The following DYNC1I1 variants were observed in gnomAD, a reference collection of about 807,000 sequenced individuals.
The protein encoded by DYNC1I1 is dynein cytoplasmic 1 intermediate chain 1.
In DYNC1I1, 43 loss-of-function variants were observed where a neutral mutation model predicts 86.6. The observed-to-expected ratio is 0.50, with a 90% CI of 0.39 to 0.64. The LOEUF (loss-of-function observed/expected upper bound fraction) is 0.64, where lower values mean the gene tolerates loss of function less well. DYNC1I1 is among the 30% of genes least tolerant of loss of function. The pLI, the probability that DYNC1I1 is intolerant of heterozygous loss-of-function variation, is 0.00. For missense variants in DYNC1I1, 604 were observed against 788.8 expected (o/e 0.77, Z 2.81); for synonymous variants, 262 against 283.7 (o/e 0.92, Z 0.77).
chr7:96,080,448 G>T lies in DYNC1I1; in HGVS notation c.1736G>T (p.Gly579Val). ...CAAGCTGGCAAAGAAGTTGCTGTTGGGGACTCGGAAGGCCGTATTTGGGTC... is the reference window on the plus strand; with the variant it reads ...CAAGCTGGCAAAGAAGTTGCTGTTGTGGACTCGGAAGGCCGTATTTGGGTC... ...WAQAGKEVAV[G>V]DSEGRIWVYD... Residue 579 changes from glycine to valine, a missense_variant, in exon 16 of 17, where the codon GGG becomes GTG. Transcript: ENST00000447467. The T allele has an allele frequency of 6.2e-7, 1 of 1,614,210 alleles. No individual in the cohort carries two copies. The highest frequency in any genetic ancestry group is 8.5e-7 in the Non-Finnish European group (1 of 1,180,032).
chr7:96,076,479 G>C (rs1283441489), intron 15 of DYNC1I1, among the ~76,000 whole-genome samples: 1 of 152,138 alleles, frequency 6.6e-6, no homozygotes, highest in Non-Finnish European at 1.5e-5. Context: ...CTTTCCCTAT[G>C]GGACAGGACA....
intron 10 of DYNC1I1, among the ~76,000 whole-genome samples, chr7:95,998,183 G>A (rs955102934): frequency 6.6e-6 from 1 of 152,196 alleles, no homozygotes; most frequent in Non-Finnish European, 1.5e-5. Flanking sequence ...TTCCAGTTGA[G>A]AGATTTTATA....
intron 6 of DYNC1I1, among the ~76,000 whole-genome samples, chr7:95,944,444 A>G (rs1792334773): frequency 6.6e-6 from 1 of 152,228 alleles, no homozygotes; most frequent in Admixed American, 6.5e-5. Flanking sequence ...AACTAGTTCA[A>G]CCATTGTGGA....
chr7:95,883,970 A>G lies in DYNC1I1; in HGVS notation c.490+13972A>G, dbSNP rs565890544. 2.6e-5 allele frequency among the ~76,000 whole-genome samples: 4 copies of G among 152,324 alleles called. No homozygotes were observed. The South Asian group carries it at 8.3e-4, about 32-fold the overall frequency. ...TTTTTTGCATTTTTGAATATTTTAA[A>G]AGAATAAATTGTTCAATAAAACTTT... On this transcript the variant is annotated intron_variant, in intron 6 of 16. Transcript: ENST00000447467.
chr7:96,053,516 G>A (rs1789468990), intron 14 of DYNC1I1, among the ~76,000 whole-genome samples: 1 of 152,004 alleles, frequency 6.6e-6, no homozygotes, highest in Non-Finnish European at 1.5e-5. Flanking sequence ...CCTGTCACTA[G>A]CACTTCTAAT....
chr7:95,890,820 C>T (rs1584132358), intron 6 of DYNC1I1, among the ~76,000 whole-genome samples: 1 of 152,176 alleles, frequency 6.6e-6, no homozygotes, highest in Admixed American at 6.5e-5. Flanking sequence ...GGTCTGGGCA[C>T]CAGTTTGAAA....
intron 7 of DYNC1I1, among the ~76,000 whole-genome samples, chr7:95,983,257 A>G (rs1432892276): frequency 6.6e-6 from 1 of 152,162 alleles, no homozygotes; most frequent in Non-Finnish European, 1.5e-5. Flanking sequence ...GTCTCAGTAC[A>G]CACTGGAATA....
chr7:95,907,284 G>A (rs573010989), intron 6 of DYNC1I1, among the ~76,000 whole-genome samples: 1 of 152,292 alleles, frequency 6.6e-6, no homozygotes, highest in East Asian at 1.9e-4. Context: ...GAGTGTAAGT[G>A]AGCACCTGAA....
intron 15 of DYNC1I1, among the ~76,000 whole-genome samples, chr7:96,078,355 A>G (rs2116257130): frequency 6.6e-6 from 1 of 152,320 alleles, no homozygotes; most frequent in South Asian, 2.1e-4. Context: ...AGAGACAGAG[A>G]GAACATATGA....
At chr7:95,849,972 T>A (rs567696281) in intron 5 of DYNC1I1, among the ~76,000 whole-genome samples, 1 of 152,304 alleles carries the variant, frequency 6.6e-6, no homozygotes, top group African/African-American at 2.4e-5. Flanking sequence ...GTTATTTTGG[T>A]CTCTATTGTA....
rs1794666576 is a variant in DYNC1I1 at position 95,804,840 on chromosome 7, A to G, written c.108+3A>G. On this transcript the variant is annotated splice_donor_region_variant and intron_variant, in intron 2 of 16. Transcript: ENST00000447467. ...AAGAGGAGAGGAAAAAGAAAGAGGT[A>G]AATCCTGGGTGTTGGGGTGTTGTGG... is the stretch of plus-strand genomic sequence containing the variant. 1 of 1,552,878 alleles carries G rather than the reference A, an allele frequency of 6.4e-7. No individual in the cohort carries two copies. Among genetic ancestry groups the G allele is most frequent in the African/African-American group, 1.4e-5 (1 of 73,096 alleles).
chr7:95,887,598 G>A (rs1790628142), intron 6 of DYNC1I1, among the ~76,000 whole-genome samples: 1 of 152,038 alleles, frequency 6.6e-6, no homozygotes, highest in Non-Finnish European at 1.5e-5. Context: ...CCTTCTCTAT[G>A]AGCAAGGACT....
intron 10 of DYNC1I1, among the ~76,000 whole-genome samples, chr7:96,006,978 C>T (rs544239709): frequency 6.6e-6 from 1 of 152,208 alleles, no homozygotes; most frequent in Non-Finnish European, 1.5e-5. Flanking sequence ...ATCAAAATAT[C>T]ACATGTACCC....
At chr7:96,049,045 G>A (rs1291845180) in intron 14 of DYNC1I1, among the ~76,000 whole-genome samples, 1 of 151,956 alleles carries the variant, frequency 6.6e-6, no homozygotes, top group African/African-American at 2.4e-5. Flanking sequence ...AGATCACAAG[G>A]TCAGGAGATT....
chr7:96,038,671 T>G (rs1261779047), intron 13 of DYNC1I1, among the ~76,000 whole-genome samples: 3 of 152,224 alleles, frequency 2.0e-5, no homozygotes, highest in East Asian at 3.8e-4. Flanking sequence ...ATCTGTCTTC[T>G]GTTTTCAGTA....
chr7:95,902,734 T>G (rs939434411), intron 6 of DYNC1I1, among the ~76,000 whole-genome samples: 3 of 152,180 alleles, frequency 2.0e-5, no homozygotes, highest in Non-Finnish European at 4.4e-5. Context: ...TAAATCCACT[T>G]GTCTCCTCCT....
At chr7:95,979,987 TG>T (rs1227918708) in intron 7 of DYNC1I1, among the ~76,000 whole-genome samples, 1 of 152,176 alleles carries the variant, frequency 6.6e-6, no homozygotes, top group Non-Finnish European at 1.5e-5. Flanking sequence ...AAAATACACC[TG>T]GTGATAAGGA....
intron 6 of DYNC1I1, among the ~76,000 whole-genome samples, chr7:95,973,643 A>G (rs934277127): frequency 6.6e-6 from 1 of 152,208 alleles, no homozygotes; most frequent in Non-Finnish European, 1.5e-5. Context: ...TAGACATTGT[A>G]TCACAAACCT....
intron 6 of DYNC1I1, among the ~76,000 whole-genome samples, chr7:95,877,654 A>T (rs1319927482): frequency 3.9e-5 from 6 of 152,264 alleles, no homozygotes; most frequent in East Asian, 1.9e-4. Flanking sequence ...TAGATGTGCT[A>T]AATGTGTAGA....
Sources: allele counts gnomAD v4.1 joint callset (sites outside exome capture counted in the v4.1 genomes callset), GRCh38; gene constraint gnomAD v4.1.1; transcripts MANE v1.5; gene names NCBI Gene and HGNC (gene_info 2026-07-23, HGNC 2026-07-21).